PLXNA4: variants seen among roughly 807,000 people sequenced by gnomAD.
PLXNA4 encodes plexin-A4.
Under a neutral mutation model 191.8 loss-of-function variants are expected in PLXNA4, and 44 were observed. The ratio of observed to expected loss-of-function variants is 0.23; its 90% CI spans 0.18 to 0.29. The LOEUF is 0.29. Ranked by LOEUF, PLXNA4 falls within the 10% of genes least tolerant of loss-of-function variation. The pLI, the probability that PLXNA4 is intolerant of heterozygous loss-of-function variation, is 1.00. For synonymous variants in PLXNA4, 1,082 were observed against 1,009.5 expected (o/e 1.07, Z -1.36); for missense variants, 1,800 against 2,488.8 (o/e 0.72, Z 5.89).
chr7:132,305,580 A>T (rs1801487600), intron 3 of PLXNA4, among the ~76,000 whole-genome samples: 1 of 152,120 alleles, frequency 6.6e-6, no homozygotes, highest in African/African-American at 2.4e-5. Flanking sequence ...TGCCAGACAG[A>T]CTGCTATTGA....
intron 22 of PLXNA4, among the ~76,000 whole-genome samples, chr7:132,167,687 C>A (rs1002656295): frequency 2.1e-4 from 32 of 152,168 alleles, no homozygotes; most frequent in East Asian, 5.8e-4. Flanking sequence ...CAGGTGTGCA[C>A]CATCATGCAT....
intron 2 of PLXNA4, among the ~76,000 whole-genome samples, chr7:132,606,578 T>A (rs551082430): frequency 2.6e-5 from 4 of 152,250 alleles, no homozygotes; most frequent in Non-Finnish European, 5.9e-5. Context: ...GTGAAATCTG[T>A]GTTATGCTCA....
At chr7:132,314,717 C>A (rs115921138) in intron 3 of PLXNA4, among the ~76,000 whole-genome samples, 1 of 152,204 alleles carries the variant, frequency 6.6e-6, no homozygotes, top group Non-Finnish European at 1.5e-5. Context: ...TGGGTCTGCA[C>A]GCTGGAGTTC....
intron 3 of PLXNA4, among the ~76,000 whole-genome samples, chr7:132,336,441 G>A (rs1802819049): frequency 6.6e-6 from 1 of 152,136 alleles, no homozygotes; most frequent in African/African-American, 2.4e-5. Context: ...GTACTATTAT[G>A]TGCATCCATA....
chr7:132,375,780 G>T (rs1804635291), intron 3 of PLXNA4, among the ~76,000 whole-genome samples: 1 of 152,224 alleles, frequency 6.6e-6, no homozygotes, highest in Non-Finnish European at 1.5e-5. Flanking sequence ...AGCTACATGT[G>T]TTCAGTCAGC....
chr7:132,247,826 A>C (rs760561386), intron 4 of PLXNA4, among the ~76,000 whole-genome samples: 11 of 152,196 alleles, frequency 7.2e-5, no homozygotes, highest in Non-Finnish European at 1.5e-4. Flanking sequence ...GTCACTCCAC[A>C]TGCCTGGAAC....
intron 3 of PLXNA4, among the ~76,000 whole-genome samples, chr7:132,426,754 A>G (rs1417748007): frequency 6.6e-6 from 1 of 152,126 alleles, no homozygotes; most frequent in Admixed American, 6.6e-5. Context: ...TGAAAATTAG[A>G]GGGCAAAAGA....
upstream of PLXNA4, chr7:132,577,047 C>A (rs1236534136): frequency 6.8e-6 from 1 of 146,432 alleles, no homozygotes; most frequent in Admixed American, 6.8e-5. Flanking sequence ...CGGGCAGTGC[C>A]CTGGGGCCGG....
chr7:132,517,341 T>A (rs1415776954), intron 1 of PLXNA4, among the ~76,000 whole-genome samples: 1 of 152,082 alleles, frequency 6.6e-6, no homozygotes, highest in African/African-American at 2.4e-5. Flanking sequence ...AATAAGTGTG[T>A]TTTCTCTACG....
At chr7:132,311,156 TTGTGTGTG>T (rs749947062) in intron 3 of PLXNA4, among the ~76,000 whole-genome samples, 153 of 132,128 alleles carry the variant, frequency 1.2e-3, no homozygotes, top group Middle Eastern at 3.8e-3. Context: ...TCTAGGATAA[TTGTGTGTG>T]TGTGTGTGTG....
At chr7:132,287,814 G>T (rs1800740344) in intron 4 of PLXNA4, among the ~76,000 whole-genome samples, 1 of 152,288 alleles carries the variant, frequency 6.6e-6, no homozygotes, top group Non-Finnish European at 1.5e-5. Flanking sequence ...TGCCCTAGAG[G>T]TTGCAAAGGG....
intron 8 of PLXNA4, among the ~76,000 whole-genome samples, chr7:132,224,236 C>T (rs1481977612): frequency 1.3e-5 from 2 of 152,174 alleles, no homozygotes; most frequent in East Asian, 3.9e-4. Context: ...AGGCTATGCC[C>T]TTCACGGTAT....
intron 28 of PLXNA4, 137 bp downstream of exon 28, chr7:132,146,372 GC>G: frequency 7.1e-7 from 1 of 1,400,946 alleles, no homozygotes; most frequent in African/African-American, 1.4e-5. Flanking sequence ...GGAATGGTCA[GC>G]AGTGCCTCCT....
chr7:132,202,107 C>T (rs534660869), intron 12 of PLXNA4, among the ~76,000 whole-genome samples: 12 of 152,302 alleles, frequency 7.9e-5, no homozygotes, highest in South Asian at 4.1e-4. Flanking sequence ...GGCTCTTCAC[C>T]GTGTTCCTCC....
chr7:132,497,811 A>C (rs1047622457), intron 2 of PLXNA4, among the ~76,000 whole-genome samples: 1 of 152,166 alleles, frequency 6.6e-6, no homozygotes, highest in Non-Finnish European at 1.5e-5. Flanking sequence ...CCATGGAAAC[A>C]ATGCTGGAGT....
At chr7:132,283,494 C>T (rs1800564160) in intron 4 of PLXNA4, among the ~76,000 whole-genome samples, 1 of 152,200 alleles carries the variant, frequency 6.6e-6, no homozygotes, top group Non-Finnish European at 1.5e-5. Flanking sequence ...AAGGCAACAG[C>T]TGCCCGGACT....
At chr7:132,250,187 A>G (rs1799197974) in intron 4 of PLXNA4, among the ~76,000 whole-genome samples, 1 of 152,164 alleles carries the variant, frequency 6.6e-6, no homozygotes, top group African/African-American at 2.4e-5. Context: ...AATTGGGATG[A>G]CACATATGAA....
intron 4 of PLXNA4, among the ~76,000 whole-genome samples, chr7:132,286,709 A>G (rs1304088288): frequency 6.6e-6 from 1 of 152,178 alleles, no homozygotes; most frequent in Non-Finnish European, 1.5e-5. Context: ...CAGCTACCCA[A>G]TCTGTGATAA....
chr7:132,606,703 G>A (rs148931789), intron 2 of PLXNA4, among the ~76,000 whole-genome samples: 1 of 152,144 alleles, frequency 6.6e-6, no homozygotes, highest in East Asian at 1.9e-4. Flanking sequence ...ATGGGGCTGG[G>A]CACAGTTTTA....
Sources: allele counts gnomAD v4.1 joint callset (sites outside exome capture counted in the v4.1 genomes callset), GRCh38; gene constraint gnomAD v4.1.1; transcripts MANE v1.5; gene names NCBI Gene and HGNC (gene_info 2026-07-23, HGNC 2026-07-21).